AFF4: variants seen among roughly 807,000 people sequenced by gnomAD.
AFF4 encodes the protein ALF transcription elongation factor 4, also known as AF4/FMR2 family member 4.
In AFF4, 13 loss-of-function variants were observed where a neutral mutation model predicts 124.8. The ratio of observed to expected loss-of-function variants is 0.10; its 90% CI spans 0.07 to 0.17. The LOEUF is 0.17. AFF4 is among the 10% of genes least tolerant of loss of function. The pLI is 1.00. For missense variants in AFF4, 1,092 were observed against 1,403.8 expected (o/e 0.78, Z 3.55); for synonymous variants, 477 against 496.1 (o/e 0.96, Z 0.51).
chr5:132,954,094 A>C (rs1269844235), intron 1 of AFF4, among the ~76,000 whole-genome samples: 2 of 152,200 alleles, frequency 1.3e-5, no homozygotes, highest in African/African-American at 4.8e-5. Flanking sequence ...TGTGCATTCC[A>C]GATTCAGGAA....
chr5:132,901,255 C>T (rs972980621), intron 7 of AFF4: 47 of 591,932 alleles, frequency 7.9e-5, no homozygotes, highest in Admixed American at 1.3e-4. Flanking sequence ...GGGCCCTGCA[C>T]GCTTTTGTTC....
intron 4 of AFF4, among the ~76,000 whole-genome samples, chr5:132,928,313 CA>C (rs796468738): frequency 2.0e-5 from 3 of 151,922 alleles, no homozygotes; most frequent in Admixed American, 6.6e-5. Context: ...GCCTGATAAA[CA>C]AAAAAATCTA....
At chr5:132,958,988 TGAAGTA>T (rs1378276564) in intron 1 of AFF4, among the ~76,000 whole-genome samples, 1 of 152,194 alleles carries the variant, frequency 6.6e-6, no homozygotes, top group East Asian at 1.9e-4. Context: ...AAATGATTAT[TGAAGTA>T]ATTAGTTTAA....
At chr5:132,958,067 T>C (rs1017657476) in intron 1 of AFF4, among the ~76,000 whole-genome samples, 1 of 152,214 alleles carries the variant, frequency 6.6e-6, no homozygotes, top group Non-Finnish European at 1.5e-5. Context: ...ATTGATGATA[T>C]TAAGGAATGC....
At chr5:132,912,286 G>A (rs1425662699) in intron 5 of AFF4, among the ~76,000 whole-genome samples, 1 of 151,864 alleles carries the variant, frequency 6.6e-6, no homozygotes, top group East Asian at 1.9e-4. Context: ...AGGTTGCAGT[G>A]AGCCAAGATT....
At chr5:132,941,677 C>G (rs1761571246) in intron 1 of AFF4, among the ~76,000 whole-genome samples, 1 of 152,128 alleles carries the variant, frequency 6.6e-6, no homozygotes, top group South Asian at 2.1e-4. Flanking sequence ...CAACATCCTT[C>G]TAACACCAGA....
chr5:132,900,482 C>A (rs1399547088), intron 7 of AFF4, among the ~76,000 whole-genome samples: 1 of 152,114 alleles, frequency 6.6e-6, no homozygotes, highest in African/African-American at 2.4e-5. Context: ...ATTGCTTGAA[C>A]CCGGGAGCTG....
At chr5:132,919,741 T>G (rs1453722750) in intron 5 of AFF4, among the ~76,000 whole-genome samples, 1 of 152,094 alleles carries the variant, frequency 6.6e-6, no homozygotes, top group African/African-American at 2.4e-5. Context: ...TTCCAGCTAT[T>G]CGGGAGACCA....
chr5:132,905,145 A>G (rs1408949828), intron 5 of AFF4, among the ~76,000 whole-genome samples: 1 of 152,044 alleles, frequency 6.6e-6, no homozygotes, highest in African/African-American at 2.4e-5. Context: ...CCCTGCTCCC[A>G]ATATTTTATA....
chr5:132,931,059 A>G (rs1318239154), intron 4 of AFF4, among the ~76,000 whole-genome samples: 1 of 148,954 alleles, frequency 6.7e-6, no homozygotes, highest in Non-Finnish European at 1.5e-5. Context: ...GTGAGCTGAG[A>G]TCACGCCACT....
chr5:132,941,971 C>T (rs1761579504), intron 1 of AFF4, among the ~76,000 whole-genome samples: 1 of 150,446 alleles, frequency 6.6e-6, no homozygotes, highest in African/African-American at 2.5e-5. Flanking sequence ...CGCACCAGTG[C>T]ACTCCAGCCC....
chr5:132,911,696 G>A (rs547639504), intron 5 of AFF4, among the ~76,000 whole-genome samples: 1 of 151,740 alleles, frequency 6.6e-6, no homozygotes, highest in African/African-American at 2.4e-5. Flanking sequence ...TTGAGTAATA[G>A]CAAGTTTCCC....
At chr5:132,953,181 G>A (rs1019198220) in intron 1 of AFF4, among the ~76,000 whole-genome samples, 2 of 151,022 alleles carry the variant, frequency 1.3e-5, no homozygotes, top group Non-Finnish European at 2.9e-5. Context: ...AAAAAAAATT[G>A]TATTATCTTT....
chr5:132,961,779 T>G (rs1168018086), intron 1 of AFF4, among the ~76,000 whole-genome samples: 1 of 152,146 alleles, frequency 6.6e-6, no homozygotes, highest in African/African-American at 2.4e-5. Context: ...AAAGTAAAAT[T>G]TGCCTACTGT....
chr5:132,922,197 C>T (rs1022315797), intron 5 of AFF4, among the ~76,000 whole-genome samples: 1 of 152,100 alleles, frequency 6.6e-6, no homozygotes, highest in African/African-American at 2.4e-5. Context: ...GCAGGAGGAC[C>T]GCTTGAGCCC....
At chr5:132,935,029 T>G in intron 2 of AFF4, 88 bp from the exon 3 acceptor site, 2 of 1,085,982 alleles carry the variant, frequency 1.8e-6, no homozygotes, top group Non-Finnish European at 2.5e-6. Context: ...AAACTTCGAA[T>G]GGAAAGGGGC....
intron 1 of AFF4, among the ~76,000 whole-genome samples, chr5:132,956,943 C>A (rs767114141): frequency 4.2e-4 from 55 of 132,490 alleles, no homozygotes; most frequent in Middle Eastern, 5.3e-3. Context: ...TCAGTTGAAC[C>A]TGGGAGGTGA....
intron 3 of AFF4, among the ~76,000 whole-genome samples, chr5:132,932,880 G>A (rs530345990): frequency 6.6e-6 from 1 of 152,176 alleles, no homozygotes; most frequent in Non-Finnish European, 1.5e-5. Flanking sequence ...TTTAAGGAAA[G>A]AACAAATTAC....
At position 132,945,853 on chromosome 5, in the gene AFF4, G is replaced by C. The variant is rs544338542; in HGVS notation, c.-4-8660C>G. On this transcript the variant is annotated intron_variant, in intron 1 of 20. Coordinates refer to ENST00000265343, the MANE Select transcript of AFF4 (RefSeq NM_014423.4). ...AGGCAGGCGGATCATCTGAGGTCAGGAGTTTGAGACTAGCCTGACCAACAT... is the reference window on the plus strand; with the variant it reads ...AGGCAGGCGGATCATCTGAGGTCAGCAGTTTGAGACTAGCCTGACCAACAT... Among the ~76,000 whole-genome samples, 555 of 152,174 alleles carry C rather than the reference G, an allele frequency of 3.6e-3. 3 individuals are homozygous for C. The highest frequency in any genetic ancestry group is 2.5e-3 in the Non-Finnish European group (173 of 68,030).
Sources: gnomAD v4.1 joint callset for allele counts (sites outside exome capture counted in the v4.1 genomes callset) on GRCh38, gnomAD v4.1.1 for gene constraint, MANE v1.5 for transcripts, NCBI Gene and HGNC (gene_info 2026-07-23, HGNC 2026-07-21) for gene names.